Variants in CNTN5 observed in about 807,000 individuals in gnomAD.
The protein encoded by CNTN5 is contactin-5.
CNTN5 carries 77 observed loss-of-function variants against 129.1 expected under a neutral mutation model. The ratio of observed to expected loss-of-function variants is 0.60; its 90% CI spans 0.50 to 0.72. CNTN5 has a LOEUF of 0.72. Ranked by LOEUF, CNTN5 falls within the 30% of genes least tolerant of loss-of-function variation. The pLI is 0.00. For synonymous variants in CNTN5, 509 were observed against 465.6 expected (o/e 1.09, Z -1.20); for missense variants, 1,478 against 1,328.8 (o/e 1.11, Z -1.75).
intron 1 of CNTN5, among the ~76,000 whole-genome samples, chr11:99,066,257 C>A (rs1031648611): frequency 2.0e-5 from 3 of 151,992 alleles, no homozygotes; most frequent in African/African-American, 7.3e-5. Context: ...GTGTGTGGTA[C>A]CACGCCCAGC....
At chr11:99,639,135 C>G (rs1263637779) in intron 3 of CNTN5, among the ~76,000 whole-genome samples, 2 of 152,196 alleles carry the variant, frequency 1.3e-5, no homozygotes, top group African/African-American at 4.8e-5. Flanking sequence ...GGCTCAAGAC[C>G]ACGTGGACAC....
intron 1 of CNTN5, among the ~76,000 whole-genome samples, chr11:99,301,439 G>A (rs537624817): frequency 4.0e-5 from 6 of 151,776 alleles, no homozygotes; most frequent in African/African-American, 1.4e-4. Flanking sequence ...AACTGGAATG[G>A]CTATACGAAG....
At chr11:99,397,408 G>A (rs1279030923) in intron 2 of CNTN5, among the ~76,000 whole-genome samples, 1 of 151,648 alleles carries the variant, frequency 6.6e-6, no homozygotes, top group African/African-American at 2.4e-5. Context: ...AAGTCATTAT[G>A]CACTTAAGGA....
intron 3 of CNTN5, among the ~76,000 whole-genome samples, chr11:99,766,171 G>A (rs1224932907): frequency 6.6e-6 from 1 of 151,974 alleles, no homozygotes; most frequent in African/African-American, 2.4e-5. Flanking sequence ...TACATCGTAT[G>A]ATAAACGTTT....
intron 1 of CNTN5, among the ~76,000 whole-genome samples, chr11:99,311,052 C>T (rs1249752894): frequency 6.6e-6 from 1 of 152,140 alleles, no homozygotes; most frequent in Non-Finnish European, 1.5e-5. Context: ...CTGCCTCAGC[C>T]TGAGCAGCTG....
intron 1 of CNTN5, among the ~76,000 whole-genome samples, chr11:99,083,186 T>C (rs1865877441): frequency 6.6e-6 from 1 of 152,196 alleles, no homozygotes; most frequent in Admixed American, 6.5e-5. Context: ...GTGTTACTTC[T>C]GTGATTATTC....
At chr11:99,866,869 C>T (rs1035273554) in intron 6 of CNTN5, among the ~76,000 whole-genome samples, 1 of 152,188 alleles carries the variant, frequency 6.6e-6, no homozygotes, top group Admixed American at 6.5e-5. Flanking sequence ...ACTTACCAAT[C>T]CCTCTTCACC....
chr11:99,380,503 C>T (rs1290069174), intron 2 of CNTN5, among the ~76,000 whole-genome samples: 1 of 152,100 alleles, frequency 6.6e-6, no homozygotes, highest in East Asian at 1.9e-4. Context: ...GGGATGGTGG[C>T]TCACGCCTGT....
intron 1 of CNTN5, among the ~76,000 whole-genome samples, chr11:99,119,667 T>C: frequency 6.6e-6 from 1 of 152,190 alleles, no homozygotes. Flanking sequence ...ATGGGATTGC[T>C]AGATCAAATA....
At chr11:99,475,788 T>C (rs1945347737) in intron 2 of CNTN5, among the ~76,000 whole-genome samples, 1 of 152,086 alleles carries the variant, frequency 6.6e-6, no homozygotes, top group African/African-American at 2.4e-5. Context: ...CTAATGCTTT[T>C]TTTTTCGTTT....
intron 1 of CNTN5, among the ~76,000 whole-genome samples, chr11:99,255,013 G>T (rs1431365070): frequency 1.3e-5 from 2 of 151,928 alleles, no homozygotes; most frequent in African/African-American, 4.8e-5. Context: ...GTTAAATTAT[G>T]TGGAAAAACT....
intron 16 of CNTN5, among the ~76,000 whole-genome samples, chr11:100,231,725 A>C: frequency 6.6e-6 from 1 of 152,214 alleles, no homozygotes; most frequent in East Asian, 1.9e-4. Flanking sequence ...GTAAAGGAAT[A>C]ACATTTAGGG....
intron 1 of CNTN5, among the ~76,000 whole-genome samples, chr11:99,183,355 T>C (rs186160801): frequency 3.3e-5 from 5 of 152,274 alleles, no homozygotes; most frequent in Admixed American, 6.5e-5. Context: ...AGAAACCAGA[T>C]AGAAGTTATT....
At chr11:100,226,985 G>T (rs965980196) in intron 16 of CNTN5, among the ~76,000 whole-genome samples, 2 of 151,868 alleles carry the variant, frequency 1.3e-5, no homozygotes, top group African/African-American at 4.8e-5. Context: ...TTCTGATGAT[G>T]GCTACAATTC....
At chr11:99,987,221 A>G (rs545782871) in intron 8 of CNTN5, among the ~76,000 whole-genome samples, 6 of 152,120 alleles carry the variant, frequency 3.9e-5, no homozygotes, top group African/African-American at 1.2e-4. Context: ...TGTACCAGGG[A>G]CTGTGTGAGG....
intron 6 of CNTN5, among the ~76,000 whole-genome samples, chr11:99,853,441 C>T (rs548039097): frequency 2.2e-4 from 34 of 151,508 alleles, no homozygotes; most frequent in South Asian, 1.9e-3. Context: ...CTCTTGTTAC[C>T]GAGGCTGGAG....
chr11:100,054,894 C>T (rs1443423403), intron 9 of CNTN5, among the ~76,000 whole-genome samples: 8 of 151,566 alleles, frequency 5.3e-5, no homozygotes, highest in African/African-American at 1.9e-4. Context: ...CTCAGTCCTG[C>T]TATTTTCAAC....
intron 6 of CNTN5, among the ~76,000 whole-genome samples, chr11:99,910,219 G>A (rs1949622871): frequency 6.6e-6 from 1 of 151,926 alleles, no homozygotes; most frequent in Non-Finnish European, 1.5e-5. Flanking sequence ...TCCCATATCT[G>A]TTTACAAGTT....
chr11:99,102,296 A>G (rs962873519), intron 1 of CNTN5, among the ~76,000 whole-genome samples: 5 of 151,936 alleles, frequency 3.3e-5, no homozygotes, highest in African/African-American at 1.2e-4. Context: ...CATGCCCTGG[A>G]GACATTTTCC....
Sources: gnomAD v4.1 joint callset for allele counts (sites outside exome capture counted in the v4.1 genomes callset) on GRCh38, gnomAD v4.1.1 for gene constraint, MANE v1.5 for transcripts, NCBI Gene and HGNC (gene_info 2026-07-23, HGNC 2026-07-21) for gene names.